KIF3B: variants seen among roughly 807,000 people sequenced by gnomAD.
KIF3B encodes kinesin-like protein KIF3B.
KIF3B carries 38 observed loss-of-function variants against 74.3 expected under a neutral mutation model. The observed-to-expected ratio is 0.51, with a 90% CI of 0.39 to 0.67. The LOEUF is 0.67. Among genes scored for constraint, KIF3B ranks in the 30% least tolerant of loss-of-function variants. The pLI, the probability that KIF3B is intolerant of heterozygous loss-of-function variation, is 0.00. For missense variants in KIF3B, 649 were observed against 932.0 expected (o/e 0.70, Z 3.95); for synonymous variants, 326 against 342.5 (o/e 0.95, Z 0.53).
Position 32,330,231 on chromosome 20 carries a change from G to A in KIF3B, c.2059G>A (p.Ala687Thr). The change falls in exon 8 of 9, where the codon GCA becomes ACA. Residue 687 changes from alanine (A) to threonine (T), a missense_variant. Physicochemically the swap from Ala to Thr is moderately conservative, Grantham distance 58 (BLOSUM62 0). This residue lies in a region of KIF3B where 186 missense variants were observed against 198.5 expected (regional missense o/e 0.94). Transcript: ENST00000375712. ...AGCCATTGCCCCCAAGGTCCAGGCTGCATTGGATGCGGCTCTGCAGGATGA... is the reference window on the plus strand; with the variant it reads ...AGCCATTGCCCCCAAGGTCCAGGCTACATTGGATGCGGCTCTGCAGGATGA... ...GPAIAPKVQA[A>T]LDAALQDEDE... 1.9e-6 allele frequency: 3 copies of A among 1,614,140 alleles called. No individual in the cohort carries two copies. Among genetic ancestry groups the A allele is most frequent in the Non-Finnish European group, 2.5e-6 (3 of 1,180,004 alleles).
chr20:32,296,581 G>C (rs1204263837), intron 1 of KIF3B, among the ~76,000 whole-genome samples: 3 of 151,888 alleles, frequency 2.0e-5, no homozygotes, highest in Non-Finnish European at 4.4e-5. Context: ...CTGGGTGACA[G>C]AGTGAAACTC....
chr20:32,285,519 C>T (rs3787373), intron 1 of KIF3B, among the ~76,000 whole-genome samples: 52,332 of 151,904 alleles, frequency 0.34, 10,299 homozygotes, highest in East Asian at 0.74. Flanking sequence ...ATATATTGGT[C>T]GAGGACTATG....
At chr20:32,296,814 T>G (rs930473809) in intron 1 of KIF3B, among the ~76,000 whole-genome samples, 6 of 152,154 alleles carry the variant, frequency 3.9e-5, no homozygotes, top group African/African-American at 1.2e-4. Context: ...GACAGTGGTG[T>G]TATTTTTCAA....
At chr20:32,327,499 C>T (rs140945302) in intron 6 of KIF3B, 57 bp from the exon 7 acceptor site, 209 of 1,428,140 alleles carry the variant, frequency 1.5e-4, no homozygotes, top group African/African-American at 1.2e-3. Flanking sequence ...CAGTGTCTTC[C>T]GAGTGCTGGT....
At chr20:32,277,852 G>A (rs6058615) in intron 1 of KIF3B, 87 bp downstream of exon 1, 5,050 of 165,052 alleles carry the variant, frequency 0.031, 186 homozygotes, top group Admixed American at 0.091. Flanking sequence ...CCGCGCCTCT[G>A]CCTGGCTTTG....
chr20:32,295,939 A>G (rs2047714880), intron 1 of KIF3B, among the ~76,000 whole-genome samples: 1 of 142,540 alleles, frequency 7.0e-6, no homozygotes, highest in Admixed American at 7.6e-5. Flanking sequence ...ATCTCAGCTC[A>G]CTGCAACCTC....
rs150679764 is a variant in KIF3B at position 32,318,980 on chromosome 20, T to G, written c.1748+2106T>G. On this transcript the variant is annotated intron_variant, in intron 5 of 8. Transcript: ENST00000375712. ...ACATCTTCTTTTTTTTTTTTTTCTT[T>G]GAGACAGTCTCGTTCTGCCACCCAG... is the stretch of plus-strand genomic sequence containing the variant. Among the ~76,000 whole-genome samples, 1,499 of 151,960 alleles carry G rather than the reference T, an allele frequency of 9.9e-3. 26 individuals carry two copies. The highest frequency in any genetic ancestry group is 0.035 in the African/African-American group (1,436 of 41,406).
intron 1 of KIF3B, among the ~76,000 whole-genome samples, chr20:32,307,747 A>C (rs1006656991): frequency 5.3e-5 from 8 of 151,884 alleles, no homozygotes; most frequent in South Asian, 2.1e-4. Flanking sequence ...GTGAAACCCT[A>C]TCTCTCCTAA....
chr20:32,319,074 C>T (rs1289797894), intron 5 of KIF3B, among the ~76,000 whole-genome samples: 2 of 151,862 alleles, frequency 1.3e-5, no homozygotes, highest in African/African-American at 2.4e-5. Flanking sequence ...GATCCTCCCA[C>T]CTCAACCTCT....
intron 1 of KIF3B, among the ~76,000 whole-genome samples, chr20:32,301,626 C>T (rs1175424162): frequency 6.6e-6 from 1 of 152,134 alleles, no homozygotes; most frequent in Non-Finnish European, 1.5e-5. Context: ...ATCCACCTGC[C>T]TCAGCCTCCC....
intron 2 of KIF3B, among the ~76,000 whole-genome samples, chr20:32,313,891 A>G (rs2047813808): frequency 6.6e-6 from 1 of 152,052 alleles, no homozygotes; most frequent in Non-Finnish European, 1.5e-5. Flanking sequence ...GATTTTCTGT[A>G]AAGACAAGGT....
chr20:32,317,442 G>A (rs1241209891), intron 5 of KIF3B, among the ~76,000 whole-genome samples: 1 of 152,130 alleles, frequency 6.6e-6, no homozygotes, highest in East Asian at 1.9e-4. Context: ...CTGATGATAA[G>A]AGGGAATATT....
chr20:32,322,870 A>G (rs1239916119), intron 5 of KIF3B, among the ~76,000 whole-genome samples: 4 of 75,656 alleles, frequency 5.3e-5, no homozygotes, highest in African/African-American at 2.3e-4. Flanking sequence ...ATACATATTC[A>G]TATATATTTT....
chr20:32,281,419 T>G (rs1600413475), intron 1 of KIF3B, among the ~76,000 whole-genome samples: 2 of 152,240 alleles, frequency 1.3e-5, no homozygotes, highest in African/African-American at 4.8e-5. Flanking sequence ...CCTGGAGATA[T>G]CATGGTAGAA....
intron 1 of KIF3B, among the ~76,000 whole-genome samples, chr20:32,285,162 G>C (rs938410227): frequency 1.3e-5 from 2 of 151,048 alleles, no homozygotes; most frequent in African/African-American, 4.9e-5. Context: ...AAAAACTTCT[G>C]AGCTAGATGG....
chr20:32,298,712 A>C (rs1213464952), intron 1 of KIF3B, among the ~76,000 whole-genome samples: 1 of 147,308 alleles, frequency 6.8e-6, no homozygotes, highest in Non-Finnish European at 1.5e-5. Context: ...ACAGGGTCTC[A>C]CTCTGGAGTG....
At chr20:32,324,195 C>G (rs1325683047) in intron 5 of KIF3B, among the ~76,000 whole-genome samples, 1 of 152,070 alleles carries the variant, frequency 6.6e-6, no homozygotes, top group Non-Finnish European at 1.5e-5. Context: ...GTATCTCTAT[C>G]CCCTTTATTT....
intron 1 of KIF3B, among the ~76,000 whole-genome samples, chr20:32,292,598 A>G (rs2047697730): frequency 6.6e-6 from 1 of 150,484 alleles, no homozygotes; most frequent in South Asian, 2.1e-4. Context: ...AAAAAAAAAA[A>G]AAAAAAAAGA....
chr20:32,282,618 C>T (rs950727838), intron 1 of KIF3B, among the ~76,000 whole-genome samples: 11 of 152,026 alleles, frequency 7.2e-5, no homozygotes, highest in Non-Finnish European at 1.3e-4. Context: ...GTGGGCTTTG[C>T]CAGGGCAGTA....
Sources: gnomAD v4.1 joint callset for allele counts (sites outside exome capture counted in the v4.1 genomes callset) on GRCh38, gnomAD v4.1.1 for gene constraint, gnomAD v4.1.1 regional missense constraint, MANE v1.5 for transcripts, NCBI Gene and HGNC (gene_info 2026-07-23, HGNC 2026-07-21) for gene names.